Variants in ZNF385B observed in about 807,000 individuals in gnomAD.
ZNF385B encodes the protein zinc finger protein 533.
ZNF385B carries 23 observed loss-of-function variants against 39.2 expected under a neutral mutation model. That is an observed-to-expected ratio of 0.59 (90% confidence interval 0.42 to 0.83). ZNF385B has a LOEUF of 0.83. Ranked by LOEUF, ZNF385B falls within the 40% of genes least tolerant of loss-of-function variation. The pLI is 0.00. For synonymous variants in ZNF385B, 205 were observed against 222.6 expected, an observed-to-expected ratio of 0.92 and a Z score of 0.70; for missense variants, 552 against 598.9, an observed-to-expected ratio of 0.92 and a Z score of 0.82.
intron 1 of ZNF385B, among the ~76,000 whole-genome samples, chr2:179,859,977 C>A (rs946039889): frequency 1.3e-5 from 2 of 152,140 alleles, no homozygotes; most frequent in Non-Finnish European, 2.9e-5. Flanking sequence ...ATGAAAAGCC[C>A]TCTTTTTAAT....
chr2:179,684,036 T>C (rs1235094313), intron 3 of ZNF385B, among the ~76,000 whole-genome samples: 1 of 152,194 alleles, frequency 6.6e-6, no homozygotes, highest in Non-Finnish European at 1.5e-5. Flanking sequence ...AGTAGTTTTT[T>C]TCTCATTTCT....
intron 3 of ZNF385B, among the ~76,000 whole-genome samples, chr2:179,685,985 A>C (rs1414503415): frequency 6.6e-6 from 1 of 152,176 alleles, no homozygotes; most frequent in Admixed American, 6.5e-5. Context: ...TTGGGAAGGG[A>C]GTGGAGACCA....
intron 1 of ZNF385B, among the ~76,000 whole-genome samples, chr2:179,824,142 A>T (rs1707553434): frequency 6.6e-6 from 1 of 152,144 alleles, no homozygotes; most frequent in South Asian, 2.1e-4. Context: ...GGAAAGTCAG[A>T]GCCTGTTTTT....
chr2:179,770,198 A>G (rs915905565), intron 2 of ZNF385B, among the ~76,000 whole-genome samples: 8 of 152,102 alleles, frequency 5.3e-5, no homozygotes, highest in Non-Finnish European at 8.8e-5. Context: ...GCTATGTGAC[A>G]CCTATCAGAG....
At chr2:179,524,987 T>C (rs1286722861) in intron 4 of ZNF385B, among the ~76,000 whole-genome samples, 1 of 152,182 alleles carries the variant, frequency 6.6e-6, no homozygotes, top group Non-Finnish European at 1.5e-5. Flanking sequence ...AGGAATTACC[T>C]CCTGTAGTCT....
At chr2:179,526,576 C>T (rs2058916140) in intron 4 of ZNF385B, among the ~76,000 whole-genome samples, 1 of 151,504 alleles carries the variant, frequency 6.6e-6, no homozygotes, top group Non-Finnish European at 1.5e-5. Flanking sequence ...ACCTGGGCAA[C>T]AAGAGCGAAA....
Position 179,836,571 on chromosome 2 carries a change from T to TG in ZNF385B, c.-155+24529dup, listed in dbSNP as rs1004145870. On this transcript the variant is annotated intron_variant, in intron 1 of 9. Transcript: ENST00000410066. Reference sequence around the variant, plus strand: ...CTGTCGCCCAGGCCAGACTGCGGACTGCAGTGGCGCAATCTCGGCTCACTG... The same window carrying TG: ...CTGTCGCCCAGGCCAGACTGCGGACTGGCAGTGGCGCAATCTCGGCTCACTG... Among the ~76,000 whole-genome samples the TG allele has an allele frequency of 3.6e-5, 5 of 140,630 alleles. No homozygotes were observed. In the East Asian group the frequency reaches 1.0e-3, roughly 28 times the overall value. The allele number at this position is 140,630 out of a possible 152,430, so 92.3% of individuals were successfully genotyped here. A position where few individuals can be genotyped will look rare whatever the true frequency, so the allele number is the denominator to read the frequency against.
chr2:179,508,764 A>G (rs900923456), intron 5 of ZNF385B, among the ~76,000 whole-genome samples: 1 of 152,148 alleles, frequency 6.6e-6, no homozygotes, highest in Admixed American at 6.5e-5. Flanking sequence ...TTTTCATAAC[A>G]TCATATTAGG....
intron 3 of ZNF385B, among the ~76,000 whole-genome samples, chr2:179,670,295 A>G (rs1400571753): frequency 6.6e-6 from 1 of 151,086 alleles, no homozygotes; most frequent in Non-Finnish European, 1.5e-5. Context: ...CCGTCTCAAA[A>G]AAAAAAAAAA....
intron 3 of ZNF385B, among the ~76,000 whole-genome samples, chr2:179,652,803 T>C (rs1033250131): frequency 2.7e-5 from 4 of 150,582 alleles, no homozygotes; most frequent in Admixed American, 2.0e-4. Flanking sequence ...ATACCTTACC[T>C]ATTGATTTGG....
intron 6 of ZNF385B, among the ~76,000 whole-genome samples, chr2:179,466,012 A>C (rs904296645): frequency 2.8e-4 from 43 of 152,298 alleles, no homozygotes; most frequent in African/African-American, 9.9e-4. Flanking sequence ...ATATAAGAAA[A>C]ATTCACTGCT....
intron 3 of ZNF385B, among the ~76,000 whole-genome samples, chr2:179,595,943 T>TA (rs1558960097): frequency 1.3e-5 from 2 of 152,080 alleles, no homozygotes; most frequent in African/African-American, 4.8e-5. Context: ...TACAGCATTT[T>TA]AAAAAAATTG....
chr2:179,630,627 G>A (rs541762370), intron 3 of ZNF385B, among the ~76,000 whole-genome samples: 10 of 152,342 alleles, frequency 6.6e-5, no homozygotes, highest in East Asian at 1.9e-4. Context: ...CCAAAGGATC[G>A]CAGCTCCTCG....
At chr2:179,622,152 C>T (rs951222635) in intron 3 of ZNF385B, among the ~76,000 whole-genome samples, 2 of 152,148 alleles carry the variant, frequency 1.3e-5, no homozygotes, top group Non-Finnish European at 2.9e-5. Context: ...ATTAGCATGG[C>T]TCTGAGCCCT....
At chr2:179,840,079 A>G (rs557464147) in intron 1 of ZNF385B, among the ~76,000 whole-genome samples, 2 of 152,366 alleles carry the variant, frequency 1.3e-5, no homozygotes, top group African/African-American at 2.4e-5. Context: ...AATGGAAGAT[A>G]CCTGCATAGG....
intron 6 of ZNF385B, among the ~76,000 whole-genome samples, chr2:179,472,977 T>C (rs1373168973): frequency 2.6e-5 from 4 of 152,210 alleles, no homozygotes; most frequent in African/African-American, 9.6e-5. Context: ...GTCTTCTTCC[T>C]CTGTCCATAT....
At chr2:179,557,833 C>T (rs2061048349) in intron 3 of ZNF385B, among the ~76,000 whole-genome samples, 1 of 151,954 alleles carries the variant, frequency 6.6e-6, no homozygotes, top group Non-Finnish European at 1.5e-5. Flanking sequence ...AAGTAATGAA[C>T]ATAGTACCTG....
At chr2:179,456,527 A>G (rs994979415) in intron 6 of ZNF385B, among the ~76,000 whole-genome samples, 3 of 152,210 alleles carry the variant, frequency 2.0e-5, no homozygotes, top group Non-Finnish European at 4.4e-5. Flanking sequence ...GGAAACAAAA[A>G]TCTTAAATAC....
chr2:179,493,552 C>CGTGCACATAT (rs1559334461), intron 5 of ZNF385B, among the ~76,000 whole-genome samples: 36 of 72,000 alleles, frequency 5.0e-4, no homozygotes, highest in African/African-American at 1.4e-3. Context: ...CATACGTGTA[C>CGTGCACATAT]ATGCACATAT....
Sources: allele counts gnomAD v4.1 joint callset (sites outside exome capture counted in the v4.1 genomes callset), GRCh38; gene constraint gnomAD v4.1.1; transcripts MANE v1.5; gene names NCBI Gene and HGNC (gene_info 2026-07-23, HGNC 2026-07-21).